The following PUM1 variants were observed in gnomAD, a reference collection of about 807,000 sequenced individuals.
PUM1 encodes the protein pumilio homolog 1.
A neutral mutation model predicts 131.8 loss-of-function variants in PUM1; 13 were observed. The observed-to-expected ratio is 0.10, with a 90% CI of 0.06 to 0.16. The LOEUF (loss-of-function observed/expected upper bound fraction) is 0.16, where lower values mean the gene tolerates loss of function less well. PUM1 is among the 10% of genes least tolerant of loss of function. The pLI is 1.00. For missense variants in PUM1, 961 were observed against 1,512.4 expected, an observed-to-expected ratio of 0.64 and a Z score of 6.05; for synonymous variants, 509 against 556.5, an observed-to-expected ratio of 0.91 and a Z score of 1.20.
chr1:30,941,300 A>T (rs368281129), intron 19 of PUM1, 28 bp from the exon 20 acceptor site: 42 of 1,599,146 alleles, frequency 2.6e-5, no homozygotes, highest in Non-Finnish European at 3.2e-5. Flanking sequence ...AGAGAAATAA[A>T]ATGTATGTGA....
intron 3 of PUM1, among the ~76,000 whole-genome samples, chr1:31,008,513 T>C (rs1407116820): frequency 2.0e-5 from 3 of 152,028 alleles, no homozygotes; most frequent in Non-Finnish European, 4.4e-5. Context: ...CTAAGGGCAT[T>C]TGGGGGAGGG....
intron 9 of PUM1, among the ~76,000 whole-genome samples, chr1:30,979,750 T>C (rs937137295): frequency 1.3e-5 from 2 of 152,112 alleles, no homozygotes; most frequent in Non-Finnish European, 1.5e-5. Context: ...CTGAACTATA[T>C]GATAGACTAG....
At chr1:30,972,851 G>A (rs1406762759) in intron 10 of PUM1, among the ~76,000 whole-genome samples, 1 of 151,796 alleles carries the variant, frequency 6.6e-6, no homozygotes. Context: ...AGGCCGAGAC[G>A]GGTGGATCAC....
chr1:31,027,859 A>G (rs923461861), intron 3 of PUM1, among the ~76,000 whole-genome samples: 7 of 152,200 alleles, frequency 4.6e-5, no homozygotes, highest in South Asian at 2.1e-4. Context: ...GGTATAAATG[A>G]GGACCCTAGA....
intron 3 of PUM1, among the ~76,000 whole-genome samples, chr1:31,009,767 CAAAAAAAAA>C (rs751375199): frequency 1.1e-4 from 6 of 54,666 alleles, no homozygotes; most frequent in Non-Finnish European, 2.2e-4. Flanking sequence ...GACTCTGTCT[CAAAAAAAAA>C]AAAAAAAAAA....
At chr1:31,057,432 A>G (rs867542763) in intron 2 of PUM1, among the ~76,000 whole-genome samples, 1 of 150,296 alleles carries the variant, frequency 6.7e-6, no homozygotes, top group African/African-American at 2.4e-5. Flanking sequence ...AGAAAAAGAA[A>G]AAAAAAAAAG....
intron 1 of PUM1, among the ~76,000 whole-genome samples, chr1:31,059,870 G>C (rs2124010933): frequency 6.7e-6 from 1 of 150,366 alleles, no homozygotes; most frequent in Admixed American, 6.6e-5. Flanking sequence ...TTTGAGACAA[G>C]AGTTTTGCCC....
intron 2 of PUM1, among the ~76,000 whole-genome samples, chr1:31,049,807 C>G (rs1644062663): frequency 6.7e-6 from 1 of 148,408 alleles, no homozygotes; most frequent in Non-Finnish European, 1.5e-5. Context: ...TAGAGAAGAG[C>G]ATCTGACTGA....
chr1:30,966,340 T>C, intron 12 of PUM1, 62 bp from the exon 13 acceptor site: 4 of 1,473,330 alleles, frequency 2.7e-6, no homozygotes, highest in Non-Finnish European at 3.6e-6. Flanking sequence ...CCAAACTACA[T>C]TTTTATCTTT....
At chr1:30,953,657 A>G in intron 15 of PUM1, 57 bp downstream of exon 15, 1 of 1,588,540 alleles carries the variant, frequency 6.3e-7, no homozygotes. Context: ...ATCTGAGCCA[A>G]GACAGTTAAG....
chr1:30,996,854 A>G (rs1333469345), intron 5 of PUM1, among the ~76,000 whole-genome samples: 2 of 152,250 alleles, frequency 1.3e-5, no homozygotes, highest in Non-Finnish European at 2.9e-5. Context: ...AAACTGACTA[A>G]AGCTGTGTAC....
chr1:31,060,496 G>A (rs1644343974), intron 1 of PUM1, among the ~76,000 whole-genome samples: 2 of 151,924 alleles, frequency 1.3e-5, no homozygotes, highest in African/African-American at 4.8e-5. Context: ...CAACTTTACA[G>A]CTGGAGCAGA....
chr1:31,032,374 A>G (rs955757739), intron 2 of PUM1, among the ~76,000 whole-genome samples: 7 of 152,230 alleles, frequency 4.6e-5, no homozygotes, highest in African/African-American at 1.7e-4. Context: ...AGTATTTTCC[A>G]TGATAAAGGA....
At chr1:30,943,989 A>G (rs1166530438) in intron 18 of PUM1, among the ~76,000 whole-genome samples, 1 of 152,158 alleles carries the variant, frequency 6.6e-6, no homozygotes, top group Non-Finnish European at 1.5e-5. Flanking sequence ...TTCTTTATAC[A>G]TTCTAGTTAT....
chr1:31,058,326 G>A (rs1331070048), intron 2 of PUM1, among the ~76,000 whole-genome samples: 1 of 152,112 alleles, frequency 6.6e-6, no homozygotes, highest in Non-Finnish European at 1.5e-5. Flanking sequence ...TATGTCAACA[G>A]TAAAAAAAAG....
intron 6 of PUM1, 43 bp downstream of exon 6, chr1:30,995,011 C>A: frequency 6.3e-7 from 1 of 1,577,138 alleles, no homozygotes; most frequent in South Asian, 1.2e-5. Context: ...AAACAAAATC[C>A]CATAGCCCAT....
At chr1:30,986,475 T>C (rs957174459) in intron 7 of PUM1, among the ~76,000 whole-genome samples, 1 of 152,270 alleles carries the variant, frequency 6.6e-6, no homozygotes, top group East Asian at 1.9e-4. Context: ...ACCAGGTTAT[T>C]TGAACTACTG....
intron 2 of PUM1, among the ~76,000 whole-genome samples, chr1:31,056,457 A>G (rs1188846839): frequency 6.6e-6 from 1 of 151,198 alleles, no homozygotes; most frequent in East Asian, 2.0e-4. Context: ...ATTTTTTTGT[A>G]TTATTAGTAG....
chr1:30,964,402 T>C (rs1048019412), intron 14 of PUM1, among the ~76,000 whole-genome samples: 12 of 152,220 alleles, frequency 7.9e-5, no homozygotes, highest in African/African-American at 1.7e-4. Context: ...ATTGTTTACA[T>C]TGAAATACTC....
Sources: allele counts gnomAD v4.1 joint callset (sites outside exome capture counted in the v4.1 genomes callset), GRCh38; gene constraint gnomAD v4.1.1; transcripts MANE v1.5; gene names NCBI Gene and HGNC (gene_info 2026-07-23, HGNC 2026-07-21).